The following DIP2C variants were observed in gnomAD, a reference collection of about 807,000 sequenced individuals.
The protein encoded by DIP2C is DIP2 acetate--CoA ligase C (putative).
Under a neutral mutation model 192.4 loss-of-function variants are expected in DIP2C, and 33 were observed. That is an observed-to-expected ratio of 0.17 (90% confidence interval 0.13 to 0.23). The LOEUF is 0.23. Among genes scored for constraint, DIP2C ranks in the 10% least tolerant of loss-of-function variants. The pLI, the probability that DIP2C is intolerant of heterozygous loss-of-function variation, is 1.00. For synonymous variants in DIP2C, 979 were observed against 864.1 expected, an observed-to-expected ratio of 1.13 and a Z score of -2.33; for missense variants, 1,537 against 2,110.1, an observed-to-expected ratio of 0.73 and a Z score of 5.32.
At chr10:379,297 G>A (rs1036559466) in intron 17 of DIP2C, among the ~76,000 whole-genome samples, 3 of 146,312 alleles carry the variant, frequency 2.1e-5, no homozygotes, top group Non-Finnish European at 4.5e-5. Flanking sequence ...TGCTGCTCCC[G>A]GAAGTGCCCG....
intron 1 of DIP2C, among the ~76,000 whole-genome samples, chr10:596,070 A>G (rs1851681475): frequency 6.6e-6 from 1 of 152,214 alleles, no homozygotes; most frequent in Non-Finnish European, 1.5e-5. Context: ...CCCTCTGCTC[A>G]AACGGATAAC....
intron 1 of DIP2C, among the ~76,000 whole-genome samples, chr10:498,043 G>A (rs1239369013): frequency 6.6e-6 from 1 of 150,748 alleles, no homozygotes; most frequent in Admixed American, 6.7e-5. Flanking sequence ...GGCTAACAGT[G>A]TATTTTTTGT....
At chr10:400,260 C>T (rs532128121) in intron 9 of DIP2C, among the ~76,000 whole-genome samples, 1 of 150,464 alleles carries the variant, frequency 6.6e-6, no homozygotes, top group African/African-American at 2.5e-5. Flanking sequence ...TGGCCTCAAG[C>T]GATTCTCCTG....
At chr10:531,884 A>T (rs907463671) in intron 1 of DIP2C, among the ~76,000 whole-genome samples, 9 of 152,256 alleles carry the variant, frequency 5.9e-5, no homozygotes, top group African/African-American at 2.2e-4. Context: ...TTCCAGCTCC[A>T]GCACAACTAC....
At chr10:592,189 G>A (rs917085242) in intron 1 of DIP2C, among the ~76,000 whole-genome samples, 1 of 152,172 alleles carries the variant, frequency 6.6e-6, no homozygotes, top group Non-Finnish European at 1.5e-5. Context: ...TGAATTCCAA[G>A]TGTAATAATC....
Position 374,375 on chromosome 10 carries a change from C to T in DIP2C, c.1992-4742G>A, listed in dbSNP as rs1456003488. Among the ~76,000 whole-genome samples, 5 of 152,308 alleles carry T rather than the reference C, an allele frequency of 3.3e-5. No individual in the cohort carries two copies. The East Asian group carries it at 7.7e-4, about 23-fold the overall frequency. On this transcript the variant is annotated intron_variant, in intron 17 of 36. Transcript: ENST00000280886. Reference sequence around the variant, plus strand: ...AACAGGAGTATTATTTTCTCATCTACTAGAAAAGCACCTCACACTGGCTGT... The same window carrying T: ...AACAGGAGTATTATTTTCTCATCTATTAGAAAAGCACCTCACACTGGCTGT...
intron 1 of DIP2C, among the ~76,000 whole-genome samples, chr10:597,429 C>T (rs772576562): frequency 1.3e-5 from 2 of 149,968 alleles, no homozygotes; most frequent in African/African-American, 4.8e-5. Flanking sequence ...GAGTTTCCTT[C>T]TAGCCCCAAT....
At chr10:319,272 T>C (rs1460738680) in intron 31 of DIP2C, among the ~76,000 whole-genome samples, 2 of 152,210 alleles carry the variant, frequency 1.3e-5, no homozygotes, top group African/African-American at 2.4e-5. Context: ...TTCTCTTTCA[T>C]TGTGTGAGTT....
At chr10:379,416 G>A (rs527309999) in intron 17 of DIP2C, among the ~76,000 whole-genome samples, 4 of 152,158 alleles carry the variant, frequency 2.6e-5, no homozygotes, top group Non-Finnish European at 5.9e-5. Flanking sequence ...TATGTTGCTT[G>A]CAAGAGTGAT....
chr10:425,929 A>C (rs1027817329), intron 4 of DIP2C, among the ~76,000 whole-genome samples: 2 of 152,202 alleles, frequency 1.3e-5, no homozygotes, highest in African/African-American at 4.8e-5. Context: ...TAAACAATAG[A>C]AGGCGTTTTC....
chr10:650,075 C>T (rs1298842213), intron 1 of DIP2C: 1 of 714,176 alleles, frequency 1.4e-6, no homozygotes, highest in Admixed American at 2.0e-5. Context: ...CAACCCAGTT[C>T]CAGGAGAGAA....
Position 414,052 on chromosome 10 carries a change from G to T in DIP2C, c.918C>A (p.Arg306=), listed in dbSNP as rs774339455. Residue 306 remains arginine (R), a synonymous_variant, in exon 8 of 37, where the codon CGC becomes CGA. Transcript: ENST00000280886. The part of the protein sequence containing the change: ...KPEGAQMLAM[R]GEQLGVVTNW... Reference sequence around the variant, plus strand: ...TCGTGACCACGCCCAGCTGCTCTCCGCGCATGGCCAGCATCTGGGCCCCCT... The same window carrying T: ...TCGTGACCACGCCCAGCTGCTCTCCTCGCATGGCCAGCATCTGGGCCCCCT... The T allele has an allele frequency of 1.7e-5, 28 of 1,614,018 alleles. No individual in the cohort carries two copies. The highest frequency in any genetic ancestry group is 3.3e-4 in the Middle Eastern group (2 of 6,058).
chr10:591,328 T>C (rs959272812), intron 1 of DIP2C, among the ~76,000 whole-genome samples: 2 of 152,160 alleles, frequency 1.3e-5, no homozygotes, highest in African/African-American at 4.8e-5. Flanking sequence ...TTTCACCATG[T>C]TGGCCAGGCT....
intron 17 of DIP2C, among the ~76,000 whole-genome samples, chr10:375,793 AG>A (rs1284797728): frequency 6.6e-6 from 1 of 152,212 alleles, no homozygotes; most frequent in African/African-American, 2.4e-5. Context: ...CTTAACAGAG[AG>A]CCACACTGCA....
chr10:481,645 T>C (rs1294143200), intron 2 of DIP2C, among the ~76,000 whole-genome samples: 2 of 152,170 alleles, frequency 1.3e-5, no homozygotes, highest in African/African-American at 4.8e-5. Flanking sequence ...AAATCAAGAA[T>C]AAAAATAAAA....
At chr10:454,385 A>T (rs1274955455) in intron 3 of DIP2C, among the ~76,000 whole-genome samples, 1 of 152,228 alleles carries the variant, frequency 6.6e-6, no homozygotes, top group Non-Finnish European at 1.5e-5. Context: ...AATACTAAAA[A>T]GGGATAAAGT....
intron 4 of DIP2C, among the ~76,000 whole-genome samples, chr10:425,807 A>C (rs1374645536): frequency 6.6e-6 from 1 of 152,258 alleles, no homozygotes; most frequent in Non-Finnish European, 1.5e-5. Context: ...GGAGACATAG[A>C]AAAGTACTGA....
chr10:458,436 C>G (rs879431375), intron 3 of DIP2C, among the ~76,000 whole-genome samples: 2 of 152,240 alleles, frequency 1.3e-5, no homozygotes, highest in Admixed American at 6.5e-5. Context: ...GGCAGATGAC[C>G]CCGTGACAGC....
chr10:337,807 C>T (rs62639299), intron 29 of DIP2C, among the ~76,000 whole-genome samples: 230 of 16,768 alleles, frequency 0.014, 32 homozygotes, highest in Middle Eastern at 0.1. Context: ...GCACGTGTGT[C>T]GTGGAGGCCT....
Sources: gnomAD v4.1 joint callset for allele counts (sites outside exome capture counted in the v4.1 genomes callset) on GRCh38, gnomAD v4.1.1 for gene constraint, MANE v1.5 for transcripts, NCBI Gene and HGNC (gene_info 2026-07-23, HGNC 2026-07-21) for gene names.